The following ZFHX3 variants were observed in gnomAD, a reference collection of about 807,000 sequenced individuals.
ZFHX3 encodes the protein zinc finger homeobox 3.
ZFHX3 carries 42 observed loss-of-function variants against 279.1 expected under a neutral mutation model. The ratio of observed to expected loss-of-function variants is 0.15; its 90% CI spans 0.12 to 0.19. ZFHX3 has a LOEUF of 0.19. Ranked by LOEUF, ZFHX3 falls within the 10% of genes least tolerant of loss-of-function variation. The pLI is 1.00. For missense variants in ZFHX3, 4,981 were observed against 4,754.0 expected, an observed-to-expected ratio of 1.05 and a Z score of -1.40; for synonymous variants, 2,293 against 1,957.8, an observed-to-expected ratio of 1.17 and a Z score of -4.52.
intron 4 of ZFHX3, among the ~76,000 whole-genome samples, chr16:72,860,275 T>C (rs2037852270): frequency 6.6e-6 from 1 of 152,076 alleles, no homozygotes; most frequent in African/African-American, 2.4e-5. Flanking sequence ...TCCTGTTCCA[T>C]CAGGCCTCGG....
chr16:72,849,438 T>C (rs1293945575), intron 4 of ZFHX3, among the ~76,000 whole-genome samples: 1 of 152,148 alleles, frequency 6.6e-6, no homozygotes, highest in Non-Finnish European at 1.5e-5. Context: ...ACGTTTGGAA[T>C]AAACCTGCCT....
intron 5 of ZFHX3, among the ~76,000 whole-genome samples, chr16:73,224,597 G>A (rs1000389578): frequency 6.6e-6 from 1 of 152,154 alleles, no homozygotes; most frequent in Non-Finnish European, 1.5e-5. Context: ...CAGAAACGTG[G>A]CCAAAAGAGT....
intron 2 of ZFHX3, among the ~76,000 whole-genome samples, chr16:73,515,304 A>G (rs2143695939): frequency 6.6e-6 from 1 of 152,340 alleles, no homozygotes; most frequent in Non-Finnish European, 1.5e-5. Flanking sequence ...CACCTTCAAT[A>G]GGAGCAGGAT....
At chr16:73,188,329 C>T (rs554469029) in intron 5 of ZFHX3, among the ~76,000 whole-genome samples, 61 of 152,222 alleles carry the variant, frequency 4.0e-4, no homozygotes, top group African/African-American at 1.3e-3. Flanking sequence ...CAAAGCACTG[C>T]GATTACAGGC....
At chr16:73,544,349 C>A (rs1223347126) in intron 2 of ZFHX3, among the ~76,000 whole-genome samples, 1 of 152,164 alleles carries the variant, frequency 6.6e-6, no homozygotes, top group Non-Finnish European at 1.5e-5. Context: ...GGGGGCCCTC[C>A]CCGCTTAGGG....
In ZFHX3 at chr16:72,795,489, G is replaced by C; in HGVS notation, c.7193C>G (p.Ala2398Gly). The change falls in exon 9 of 10, where the codon GCC (alanine) becomes GGC (glycine). Residue 2398 changes from alanine to glycine, a missense_variant. This residue lies in a region of ZFHX3 where 744 missense variants were observed against 701.3 expected (regional missense o/e 1.06). Coordinates refer to ENST00000268489, the MANE Select transcript of ZFHX3 (RefSeq NM_006885.4). ...SQAYSAPAPS[A>G]NNTASSAFLQ... ...GAAAGCGGAGGAAGCTGTATTATTGGCTGATGGTGCTGGGGCGCTGTAAGC... is the reference window on the plus strand; with the variant it reads ...GAAAGCGGAGGAAGCTGTATTATTGCCTGATGGTGCTGGGGCGCTGTAAGC... 6.2e-7 allele frequency: 1 copy of C among 1,614,166 alleles called. No individual in the cohort carries two copies. The highest frequency in any genetic ancestry group is 8.5e-7 in the Non-Finnish European group (1 of 1,180,044).
At position 73,366,882 on chromosome 16, in the gene ZFHX3, G is replaced by C. The variant is rs549676486; in HGVS notation, c.-1290-48546C>G. 3.9e-5 allele frequency among the ~76,000 whole-genome samples: 6 copies of C among 152,236 alleles called. No individual in the cohort carries two copies. The East Asian group carries it at 1.2e-3, about 29-fold the overall frequency. Reference sequence around the variant, plus strand: ...ACAGAGAATGTTCATTTTTGGTTGGGATTCTAAAGTTCTTTGACATAGCTG... The same window carrying C: ...ACAGAGAATGTTCATTTTTGGTTGGCATTCTAAAGTTCTTTGACATAGCTG... On this transcript the variant is annotated intron_variant, in intron 3 of 17. Transcript: ENST00000641206.
At chr16:73,386,909 T>A (rs2143385127) in intron 3 of ZFHX3, 1 of 152,282 alleles carries the variant, frequency 6.6e-6, no homozygotes, top group African/African-American at 2.4e-5. Flanking sequence ...GGTGGCATCA[T>A]CCAGTGAGTA....
In ZFHX3 at chr16:73,518,158, C is replaced by A. The variant is rs138127485; in HGVS notation, c.-1546-61900G>T. Among the ~76,000 whole-genome samples, 386 of 152,280 alleles carry A rather than the reference C, an allele frequency of 2.5e-3. 3 individuals are homozygous for A. The highest frequency in any genetic ancestry group is 8.2e-3 in the African/African-American group (342 of 41,542). On this transcript the variant is annotated intron_variant, in intron 2 of 17. Coordinates refer to the ZFHX3 transcript ENST00000641206. Reference sequence around the variant, plus strand: ...GTTAGCCACAGAGACTATGGTCTACCATATTGGACAGGTCTCAGGGATACA... The same window carrying A: ...GTTAGCCACAGAGACTATGGTCTACAATATTGGACAGGTCTCAGGGATACA...
At chr16:73,545,836 G>T (rs1432264551) in intron 2 of ZFHX3, among the ~76,000 whole-genome samples, 1 of 151,556 alleles carries the variant, frequency 6.6e-6, no homozygotes, top group African/African-American at 2.4e-5. Context: ...TGACTAAACT[G>T]CAGCCCAGCA....
At chr16:73,760,503 T>C (rs140321106) in intron 1 of ZFHX3, among the ~76,000 whole-genome samples, 9 of 150,520 alleles carry the variant, frequency 6.0e-5, no homozygotes, top group Admixed American at 5.9e-4. Flanking sequence ...CCTGGCAGCA[T>C]CATCCTGATA....
At chr16:73,474,022 T>C (rs765832189) in intron 2 of ZFHX3, among the ~76,000 whole-genome samples, 45 of 152,278 alleles carry the variant, frequency 3.0e-4, no homozygotes, top group Non-Finnish European at 6.2e-4. Flanking sequence ...AAATGGCTAC[T>C]GGGTCCTAAA....
At chr16:73,105,339 G>GTATA (rs1966282724) in intron 7 of ZFHX3, among the ~76,000 whole-genome samples, 1 of 105,148 alleles carries the variant, frequency 9.5e-6, no homozygotes, top group African/African-American at 4.1e-5. Context: ...ACACACACGT[G>GTATA]TGTATATATA....
chr16:73,633,691 C>A (rs1343250005), intron 2 of ZFHX3, among the ~76,000 whole-genome samples: 1 of 152,162 alleles, frequency 6.6e-6, no homozygotes, highest in Non-Finnish European at 1.5e-5. Context: ...CATGGACTTT[C>A]TTCAGAGTAT....
chr16:73,730,208 G>C (rs892772713), intron 1 of ZFHX3, among the ~76,000 whole-genome samples: 1 of 152,036 alleles, frequency 6.6e-6, no homozygotes, highest in Non-Finnish European at 1.5e-5. Context: ...CAAATGCAAA[G>C]GACAGAATAT....
At chr16:73,876,134 C>T in intron 1 of ZFHX3, among the ~76,000 whole-genome samples, 1 of 152,222 alleles carries the variant, frequency 6.6e-6, no homozygotes, top group African/African-American at 2.4e-5. Context: ...CCAATCCCTG[C>T]ATGCGTGATC....
rs573555190 is a variant in ZFHX3 at position 72,944,077 on chromosome 16, G to C, written c.3216+6392C>G. ...TGGGTGGATCGTGCTTGAGCCCAGGGGTTCAAGACCAGCCTAGGCAAAATG... is the reference window on the plus strand; with the variant it reads ...TGGGTGGATCGTGCTTGAGCCCAGGCGTTCAAGACCAGCCTAGGCAAAATG... On this transcript the variant is annotated intron_variant, in intron 3 of 9. Coordinates refer to ENST00000268489, the MANE Select transcript of ZFHX3 (RefSeq NM_006885.4). 1.2e-3 allele frequency among the ~76,000 whole-genome samples: 177 copies of C among 152,188 alleles called. 1 individual carries two copies. The South Asian group carries it at 0.017, about 14-fold the overall frequency.
intron 4 of ZFHX3, among the ~76,000 whole-genome samples, chr16:72,876,861 T>C (rs541985679): frequency 6.6e-6 from 1 of 152,236 alleles, no homozygotes; most frequent in South Asian, 2.1e-4. Flanking sequence ...CAGATATCTA[T>C]GATATATGCC....
chr16:73,875,797 G>A lies in ZFHX3; in HGVS notation c.-1608+15854C>T, dbSNP rs111387152. Among the ~76,000 whole-genome samples, 1,139 of 152,238 alleles carry A rather than the reference G, an allele frequency of 7.5e-3. 10 individuals carry two copies. Among genetic ancestry groups the A allele is most frequent in the Middle Eastern group, 0.024 (7 of 294 alleles). On this transcript the variant is annotated intron_variant, in intron 1 of 17. Transcript: ENST00000641206. ...GCCAGATACATATGTATGCAGTTAC[G>A]CATGTATATTTCTGGCACACCATTA... is the stretch of plus-strand genomic sequence containing the variant.
Sources: allele counts gnomAD v4.1 joint callset (sites outside exome capture counted in the v4.1 genomes callset), GRCh38; gene constraint gnomAD v4.1.1; regional missense constraint gnomAD v4.1.1; transcripts MANE v1.5; gene names NCBI Gene and HGNC (gene_info 2026-07-23, HGNC 2026-07-21).